Variants in ERICH1 observed in about 807,000 individuals in gnomAD.
ERICH1 encodes glutamate rich 1, also known as glutamate-rich protein 1.
ERICH1 carries 56 observed loss-of-function variants against 39.6 expected under a neutral mutation model. The ratio of observed to expected loss-of-function variants is 1.41; its 90% CI spans 1.14 to 1.77. The LOEUF (loss-of-function observed/expected upper bound fraction) is 1.77, where lower values mean the gene tolerates loss of function less well. Ranked by LOEUF, ERICH1 falls within the 40% of genes most tolerant of loss-of-function variation. The pLI, the probability that ERICH1 is intolerant of heterozygous loss-of-function variation, is 0.00. For missense variants in ERICH1, 826 were observed against 575.4 expected (o/e 1.44, Z -4.45); for synonymous variants, 313 against 223.6 (o/e 1.40, Z -3.57).
At chr8:625,178 C>G (rs1797532629) in intron 3 of ERICH1, among the ~76,000 whole-genome samples, 1 of 152,182 alleles carries the variant, frequency 6.6e-6, no homozygotes, top group Non-Finnish European at 1.5e-5. Context: ...GGACACGAAT[C>G]CGAACCATAT....
chr8:667,469 G>A (rs17666759), intron 5 of ERICH1: 4,883 of 152,812 alleles, frequency 0.032, 171 homozygotes, highest in Admixed American at 0.12. Flanking sequence ...GCTCTATGAC[G>A]CATCTCACCG....
chr8:642,092 T>C (rs1172718956), intron 3 of ERICH1, among the ~76,000 whole-genome samples: 4 of 152,212 alleles, frequency 2.6e-5, no homozygotes, highest in Non-Finnish European at 5.9e-5. Flanking sequence ...GGCCCAGAGA[T>C]GATTTCACTT....
chr8:615,086 C>T, exon 4 of ERICH1: 2 of 592,208 alleles, frequency 3.4e-6, no homozygotes, highest in East Asian at 5.6e-5. Context: ...AAGATCTCAG[C>T]TCTCGTCAGC....
intron 3 of ERICH1, among the ~76,000 whole-genome samples, chr8:627,775 C>T (rs1041857285): frequency 6.6e-6 from 1 of 152,204 alleles, no homozygotes; most frequent in African/African-American, 2.4e-5. Context: ...TCTGCCTTTT[C>T]CTTGGAGAAG....
intron 3 of ERICH1, among the ~76,000 whole-genome samples, chr8:677,276 C>A (rs1805068177): frequency 6.6e-6 from 1 of 152,260 alleles, no homozygotes; most frequent in African/African-American, 2.4e-5. Context: ...AGACACCCCC[C>A]AGCTCTGTTC....
At chr8:651,329 T>A (rs1432324140) in intron 3 of ERICH1, among the ~76,000 whole-genome samples, 1 of 152,150 alleles carries the variant, frequency 6.6e-6, no homozygotes, top group Non-Finnish European at 1.5e-5. Flanking sequence ...GGGGAAGGGA[T>A]TCTGAAAATA....
chr8:643,722 G>C (rs1799279190), intron 3 of ERICH1, among the ~76,000 whole-genome samples: 1 of 152,246 alleles, frequency 6.6e-6, no homozygotes, highest in Non-Finnish European at 1.5e-5. Flanking sequence ...GGAGCTTGTG[G>C]GATGTGGCGT....
At chr8:726,571 G>A (rs933990452) in intron 1 of ERICH1, among the ~76,000 whole-genome samples, 3 of 130,066 alleles carry the variant, frequency 2.3e-5, no homozygotes, top group East Asian at 4.6e-4. Context: ...ACAGGCACAA[G>A]ACACACAGGC....
chr8:664,767 CA>C, intron 5 of ERICH1, 91 bp from the exon 6 acceptor site: 1 of 998,038 alleles, frequency 1.0e-6, no homozygotes, highest in Non-Finnish European at 1.5e-6. Context: ...CCTTTGGGCC[CA>C]AAGTGAACTC....
Position 668,643 on chromosome 8 carries a change from T to A in ERICH1, c.1213A>T (p.Lys405Ter). 3.1e-6 allele frequency: 5 copies of A among 1,614,198 alleles called. No individual in the cohort carries two copies. The Admixed American group carries it at 5.0e-5, about 16-fold the overall frequency. ...TCTGGGAACATTTCCAGAGCATGCT[T>A]CAATCTCTCAGTATCTTGCAGGAGC... The part of the protein sequence containing the change: ...LLLLQDTERL[K>*]HALEMFPEHC... The change falls in exon 5 of 6, where the codon AAG (lysine) becomes TAG (stop). Residue 405 changes from lysine to a stop codon, truncating the protein, a stop_gained. Transcript: ENST00000262109. LOFTEE classifies it high-confidence loss of function.
chr8:692,644 G>C (rs768211424), intron 2 of ERICH1, 32 bp from the exon 3 acceptor site: 1 of 1,540,054 alleles, frequency 6.5e-7, no homozygotes, highest in Admixed American at 2.2e-5. Context: ...ACAGGAACTG[G>C]TAAATATCAC....
chr8:729,470 G>C (rs753083891), intron 1 of ERICH1, among the ~76,000 whole-genome samples: 2 of 152,216 alleles, frequency 1.3e-5, no homozygotes, highest in Admixed American at 6.5e-5. Flanking sequence ...ACACACTCCA[G>C]TTTCCTGCTC....
rs80182170 is a variant in ERICH1 at position 719,186 on chromosome 8, C to T, written c.23-3179G>A. 4.7e-3 allele frequency among the ~76,000 whole-genome samples: 713 copies of T among 152,292 alleles called. 6 individuals are homozygous for T. The highest frequency in any genetic ancestry group is 6.8e-3 in the Middle Eastern group (2 of 294). ...CGAGGCTCAGGGAGGCCGTTTCAACCGTGAAAACTTGGGTTTCTGCCCCAC... is the reference window on the plus strand; with the variant it reads ...CGAGGCTCAGGGAGGCCGTTTCAACTGTGAAAACTTGGGTTTCTGCCCCAC... On this transcript the variant is annotated intron_variant, in intron 1 of 5. Coordinates refer to ENST00000262109, the MANE Select transcript of ERICH1 (RefSeq NM_207332.3).
chr8:707,059 C>G (rs975073247), intron 2 of ERICH1, among the ~76,000 whole-genome samples: 9 of 152,080 alleles, frequency 5.9e-5, no homozygotes, highest in African/African-American at 2.2e-4. Flanking sequence ...GAGGGACCCA[C>G]ACTTCTCAAT....
intron 3 of ERICH1, among the ~76,000 whole-genome samples, chr8:638,876 A>G (rs1180699896): frequency 6.6e-6 from 1 of 151,962 alleles, no homozygotes; most frequent in Non-Finnish European, 1.5e-5. Flanking sequence ...ATCGCTGCTC[A>G]GTGGACGCTG....
chr8:618,382 G>C (rs926692419), intron 3 of ERICH1, among the ~76,000 whole-genome samples: 6 of 151,102 alleles, frequency 4.0e-5, no homozygotes, highest in Non-Finnish European at 8.9e-5. Context: ...ACTGCCCTCT[G>C]AGTGCTTGGT....
At chr8:687,387 G>A (rs998540641) in intron 3 of ERICH1, among the ~76,000 whole-genome samples, 1 of 152,254 alleles carries the variant, frequency 6.6e-6, no homozygotes, top group African/African-American at 2.4e-5. Flanking sequence ...GCCAGGATAA[G>A]GCTCCTCGGG....
intron 3 of ERICH1, among the ~76,000 whole-genome samples, chr8:679,643 A>T (rs910329572): frequency 2.0e-5 from 3 of 152,232 alleles, no homozygotes; most frequent in Non-Finnish European, 2.9e-5. Context: ...ACTGCCTCAA[A>T]GGAAGAAATC....
At chr8:721,269 T>A (rs1342658233) in intron 1 of ERICH1, among the ~76,000 whole-genome samples, 1 of 152,250 alleles carries the variant, frequency 6.6e-6, no homozygotes, top group African/African-American at 2.4e-5. Context: ...AAAATATAAT[T>A]TTAACTTTTT....
Sources: allele counts gnomAD v4.1 joint callset (sites outside exome capture counted in the v4.1 genomes callset), GRCh38; gene constraint gnomAD v4.1.1; transcripts MANE v1.5; gene names NCBI Gene and HGNC (gene_info 2026-07-23, HGNC 2026-07-21).